The following SCAI variants were observed in gnomAD, a reference collection of about 807,000 sequenced individuals.
SCAI encodes the protein protein SCAI.
Under a neutral mutation model 92.2 loss-of-function variants are expected in SCAI, and 24 were observed. The observed-to-expected ratio is 0.26, with a 90% CI of 0.19 to 0.37. SCAI has a LOEUF of 0.37. Ranked by LOEUF, SCAI falls within the 10% of genes least tolerant of loss-of-function variation. The pLI is 1.00. For synonymous variants in SCAI, 261 were observed against 258.6 expected (o/e 1.01, Z -0.09); for missense variants, 450 against 736.2 (o/e 0.61, Z 4.50).
At chr9:125,137,686 C>T (rs1835569463) in intron 2 of SCAI, among the ~76,000 whole-genome samples, 1 of 152,136 alleles carries the variant, frequency 6.6e-6, no homozygotes, top group Non-Finnish European at 1.5e-5. Context: ...CCGCAACCTC[C>T]ACCTCCCAGG....
intron 9 of SCAI, among the ~76,000 whole-genome samples, chr9:125,008,573 A>G (rs1309261315): frequency 2.0e-5 from 3 of 152,254 alleles, no homozygotes; most frequent in Non-Finnish European, 2.9e-5. Context: ...AAACTTAATA[A>G]AAGGTTAAAT....
chr9:125,107,520 A>G (rs1013919762), intron 2 of SCAI, among the ~76,000 whole-genome samples: 3 of 152,198 alleles, frequency 2.0e-5, no homozygotes, highest in African/African-American at 4.8e-5. Flanking sequence ...AATCCTAGCT[A>G]TTCAGGAGGC....
At chr9:124,961,204 C>T (rs1488804125) in intron 17 of SCAI, among the ~76,000 whole-genome samples, 2 of 149,366 alleles carry the variant, frequency 1.3e-5, no homozygotes, top group Non-Finnish European at 3.0e-5. Flanking sequence ...GATGCTGAGG[C>T]AGGAGGATAG....
chr9:125,103,512 G>A (rs1307907420), intron 2 of SCAI, among the ~76,000 whole-genome samples: 1 of 152,136 alleles, frequency 6.6e-6, no homozygotes, highest in Admixed American at 6.5e-5. Flanking sequence ...TACATCCCAA[G>A]CACTGAAGAA....
intron 2 of SCAI, among the ~76,000 whole-genome samples, chr9:125,082,409 A>C (rs2131182038): frequency 6.6e-6 from 1 of 152,350 alleles, no homozygotes; most frequent in African/African-American, 2.4e-5. Flanking sequence ...ACCTCTGCTA[A>C]GGCAGTTCAG....
At chr9:125,000,961 C>CA (rs530142874) in intron 12 of SCAI, among the ~76,000 whole-genome samples, 1 of 152,030 alleles carries the variant, frequency 6.6e-6, no homozygotes, top group South Asian at 2.1e-4. Flanking sequence ...GTACGATTAC[C>CA]TATCATACTT....
At chr9:125,096,692 A>G (rs1834559139) in intron 2 of SCAI, among the ~76,000 whole-genome samples, 2 of 151,798 alleles carry the variant, frequency 1.3e-5, no homozygotes, top group African/African-American at 4.8e-5. Context: ...GTTTATCTCA[A>G]CTCCTGCTTC....
chr9:125,129,904 C>A lies in SCAI; in HGVS notation c.98+12729G>T, dbSNP rs1401427154. 2.7e-5 allele frequency among the ~76,000 whole-genome samples: 4 copies of A among 149,198 alleles called. No homozygotes were observed. In the Admixed American group the frequency reaches 2.7e-4, roughly 10 times the overall value. On this transcript the variant is annotated intron_variant, in intron 2 of 17. Coordinates refer to ENST00000336505, the MANE Select transcript of SCAI (RefSeq NM_001144877.3). ...TATGCTGCAGTTTTTCTTTTCTTTTCTTTTTTTTTGTTGAGATGGAGTCTT... is the reference window on the plus strand; with the variant it reads ...TATGCTGCAGTTTTTCTTTTCTTTTATTTTTTTTTGTTGAGATGGAGTCTT...
intron 2 of SCAI, among the ~76,000 whole-genome samples, chr9:125,062,232 C>T (rs1833782644): frequency 6.6e-6 from 1 of 151,340 alleles, no homozygotes; most frequent in Non-Finnish European, 1.5e-5. Flanking sequence ...CTCAAGCCAT[C>T]CTCCTATCTC....
chr9:125,038,034 A>T (rs1833237078), intron 3 of SCAI, among the ~76,000 whole-genome samples: 1 of 152,062 alleles, frequency 6.6e-6, no homozygotes, highest in Non-Finnish European at 1.5e-5. Context: ...AGGCGGACAG[A>T]TCACTTGAGC....
chr9:125,140,294 T>C (rs894667939), intron 2 of SCAI, among the ~76,000 whole-genome samples: 22 of 151,996 alleles, frequency 1.4e-4, no homozygotes, highest in Admixed American at 1.1e-3. Flanking sequence ...TTGGGAGGCC[T>C]AGTCAGACAG....
intron 2 of SCAI, among the ~76,000 whole-genome samples, chr9:125,126,420 T>TGA (rs1365937201): frequency 4.7e-5 from 7 of 149,944 alleles, no homozygotes; most frequent in African/African-American, 1.7e-4. Flanking sequence ...TGTGTGTGTG[T>TGA]GTGAGAGAGA....
chr9:125,055,552 T>A (rs149533051), intron 3 of SCAI, among the ~76,000 whole-genome samples: 49 of 152,320 alleles, frequency 3.2e-4, no homozygotes, highest in African/African-American at 7.2e-4. Flanking sequence ...TTCAATTGCA[T>A]ATGCATTTTT....
rs1311383127 is a variant in SCAI, at chr9:124,951,628, G to A, written c.*1179C>T. ...ATCCTGTACAGAAAATTAGGTATAAGGCCTTCTCATTCATAGATTTCTGAA... is the reference window on the plus strand; with the variant it reads ...ATCCTGTACAGAAAATTAGGTATAAAGCCTTCTCATTCATAGATTTCTGAA... On this transcript the variant is annotated 3_prime_UTR_variant, in exon 18 of 18. Coordinates refer to ENST00000336505, the MANE Select transcript of SCAI (RefSeq NM_001144877.3). 6.6e-6 allele frequency: 1 copy of A among 152,084 alleles called. No individual in the cohort carries two copies. Among genetic ancestry groups the A allele is most frequent in the Non-Finnish European group, 1.5e-5 (1 of 68,034 alleles). The allele number at this position is 152,084 out of a possible 1,614,324, so 9.4% of individuals were successfully genotyped here. A position where few individuals can be genotyped will look rare whatever the true frequency, so the allele number is the denominator to read the frequency against.
intron 2 of SCAI, among the ~76,000 whole-genome samples, chr9:125,122,588 C>CAAAAA (rs34757267): frequency 2.0e-4 from 12 of 59,948 alleles, no homozygotes; most frequent in African/African-American, 4.6e-4. Context: ...GACTCCATCT[C>CAAAAA]AAAAAAAAAA....
At chr9:125,039,598 G>A (rs537969087) in intron 3 of SCAI, among the ~76,000 whole-genome samples, 51 of 152,210 alleles carry the variant, frequency 3.4e-4, no homozygotes, top group Non-Finnish European at 5.4e-4. Context: ...TAGGCAATTA[G>A]ATGTGAGTTC....
At chr9:125,006,253 C>T (rs1161262171) in intron 9 of SCAI, among the ~76,000 whole-genome samples, 1 of 152,146 alleles carries the variant, frequency 6.6e-6, no homozygotes. Flanking sequence ...TGGCAGCTCA[C>T]ACCTGTAATC....
At chr9:125,072,036 T>TC (rs894224899) in intron 2 of SCAI, among the ~76,000 whole-genome samples, 4 of 151,800 alleles carry the variant, frequency 2.6e-5, no homozygotes, top group Non-Finnish European at 2.9e-5. Flanking sequence ...GTCTTTTTTT[T>TC]TTTTTTCTGA....
intron 2 of SCAI, among the ~76,000 whole-genome samples, chr9:125,120,642 G>C (rs911738091): frequency 2.6e-5 from 4 of 152,060 alleles, no homozygotes; most frequent in Non-Finnish European, 5.9e-5. Flanking sequence ...GCAGTGAACT[G>C]AGATCGCACC....
Sources: allele counts gnomAD v4.1 joint callset (sites outside exome capture counted in the v4.1 genomes callset), GRCh38; gene constraint gnomAD v4.1.1; transcripts MANE v1.5; gene names NCBI Gene and HGNC (gene_info 2026-07-23, HGNC 2026-07-21).